The following CMTM7 variants were observed in gnomAD, a reference collection of about 807,000 sequenced individuals.
CMTM7 encodes CKLF-like MARVEL transmembrane domain-containing protein 7.
In CMTM7, 7 loss-of-function variants were observed where a neutral mutation model predicts 19.3. The ratio of observed to expected loss-of-function variants is 0.36; its 90% CI spans 0.21 to 0.68. CMTM7 has a LOEUF of 0.68. Among genes scored for constraint, CMTM7 ranks in the 30% least tolerant of loss-of-function variants. CMTM7 has a pLI of 0.60. For synonymous variants in CMTM7, 87 were observed against 99.3 expected (o/e 0.88, Z 0.74); for missense variants, 193 against 232.6 (o/e 0.83, Z 1.11).
intron 1 of CMTM7, among the ~76,000 whole-genome samples, chr3:32,428,581 C>T (rs1468410076): frequency 2.6e-5 from 4 of 152,168 alleles, no homozygotes; most frequent in Admixed American, 2.0e-4. Context: ...GCTAAGCCGG[C>T]CTGGGCTTTG....
At chr3:32,424,476 C>T (rs1243505676) in intron 1 of CMTM7, among the ~76,000 whole-genome samples, 1 of 152,170 alleles carries the variant, frequency 6.6e-6, no homozygotes, top group African/African-American at 2.4e-5. Flanking sequence ...AGAAGTATCG[C>T]TGTGGCCATT....
intron 1 of CMTM7, among the ~76,000 whole-genome samples, chr3:32,417,391 C>T (rs1696283198): frequency 1.3e-5 from 2 of 152,208 alleles, no homozygotes; most frequent in Admixed American, 6.5e-5. Flanking sequence ...CATGTTATCA[C>T]TTGGATAATA....
intron 1 of CMTM7, among the ~76,000 whole-genome samples, chr3:32,409,239 A>G (rs1696137178): frequency 6.6e-6 from 1 of 152,156 alleles, no homozygotes; most frequent in African/African-American, 2.4e-5. Flanking sequence ...GAACAGGACA[A>G]AGAACTCCCC....
At chr3:32,409,915 C>T (rs774361610) in intron 1 of CMTM7, among the ~76,000 whole-genome samples, 1 of 152,216 alleles carries the variant, frequency 6.6e-6, no homozygotes, top group Non-Finnish European at 1.5e-5. Flanking sequence ...TCAGATGTCA[C>T]CTCCTTGGGA....
intron 1 of CMTM7, among the ~76,000 whole-genome samples, chr3:32,401,237 C>A (rs1313023399): frequency 6.6e-6 from 1 of 152,216 alleles, no homozygotes; most frequent in East Asian, 1.9e-4. Flanking sequence ...TTGCGGAAGG[C>A]CTTACCTATT....
chr3:32,439,461 T>C (rs1167136122), intron 1 of CMTM7, among the ~76,000 whole-genome samples: 1 of 152,216 alleles, frequency 6.6e-6, no homozygotes, highest in East Asian at 1.9e-4. Flanking sequence ...GATTTGATTT[T>C]TATTTTTTTA....
At chr3:32,405,603 G>T (rs962054093) in intron 1 of CMTM7, among the ~76,000 whole-genome samples, 2 of 152,120 alleles carry the variant, frequency 1.3e-5, no homozygotes, top group Admixed American at 6.5e-5. Context: ...TAAATATCTT[G>T]TCTGAGCCAA....
intron 1 of CMTM7, among the ~76,000 whole-genome samples, chr3:32,432,385 C>G (rs920657752): frequency 6.6e-6 from 1 of 152,224 alleles, no homozygotes; most frequent in East Asian, 1.9e-4. Flanking sequence ...TTCCCATGGC[C>G]CTGACCCCCA....
intron 1 of CMTM7, among the ~76,000 whole-genome samples, chr3:32,397,744 A>AG: frequency 6.6e-6 from 1 of 152,220 alleles, no homozygotes; most frequent in East Asian, 1.9e-4. Flanking sequence ...AAAAAAAAAA[A>AG]AAATTATTAA....
At chr3:32,427,893 A>C (rs903201494) in intron 1 of CMTM7, among the ~76,000 whole-genome samples, 1 of 152,218 alleles carries the variant, frequency 6.6e-6, no homozygotes, top group Non-Finnish European at 1.5e-5. Flanking sequence ...TGTTTAGGAT[A>C]GGAAGTCTCA....
chr3:32,428,370 A>G (rs954383781), intron 1 of CMTM7, among the ~76,000 whole-genome samples: 6 of 152,136 alleles, frequency 3.9e-5, no homozygotes, highest in African/African-American at 7.2e-5. Context: ...CCTCATCTCA[A>G]TACTAACCAG....
At chr3:32,395,072 A>T (rs763134572) in intron 1 of CMTM7, among the ~76,000 whole-genome samples, 1 of 149,994 alleles carries the variant, frequency 6.7e-6, no homozygotes, top group Non-Finnish European at 1.5e-5. Flanking sequence ...TGGTGTTATC[A>T]TGGCTTACTG....
chr3:32,432,357 T>G (rs1696532117), intron 1 of CMTM7, among the ~76,000 whole-genome samples: 1 of 152,180 alleles, frequency 6.6e-6, no homozygotes, highest in Admixed American at 6.5e-5. Context: ...CAGCGAGTGC[T>G]TCCTTCACCC....
chr3:32,425,587 C>G (rs1696419328), intron 1 of CMTM7, among the ~76,000 whole-genome samples: 1 of 152,114 alleles, frequency 6.6e-6, no homozygotes, highest in African/African-American at 2.4e-5. Context: ...TAAGCTCCCA[C>G]CAACCTTAAG....
At chr3:32,447,639 A>G (rs1355054296) in intron 2 of CMTM7, among the ~76,000 whole-genome samples, 1 of 152,070 alleles carries the variant, frequency 6.6e-6, no homozygotes, top group Admixed American at 6.5e-5. Flanking sequence ...TATAATTGTT[A>G]TATCTTACTT....
At chr3:32,451,799 T>C (rs1258052259) in intron 3 of CMTM7, 1 of 303,862 alleles carries the variant, frequency 3.3e-6, no homozygotes, top group African/African-American at 2.2e-5. Context: ...AGGTCAGCCT[T>C]CCTCACACTT....
chr3:32,401,417 T>C (rs1696000309), intron 1 of CMTM7, among the ~76,000 whole-genome samples: 3 of 152,070 alleles, frequency 2.0e-5, no homozygotes, highest in Non-Finnish European at 2.9e-5. Flanking sequence ...CGTAAGTGGG[T>C]AGAGGAGGGG....
At chr3:32,446,792 C>G (rs1205708388) in intron 2 of CMTM7, among the ~76,000 whole-genome samples, 1 of 152,142 alleles carries the variant, frequency 6.6e-6, no homozygotes, top group African/African-American at 2.4e-5. Flanking sequence ...CTCTTGCTTC[C>G]TTCCTCTTGG....
chr3:32,406,673 G>A (rs772782006), intron 1 of CMTM7, among the ~76,000 whole-genome samples: 15 of 152,196 alleles, frequency 9.9e-5, no homozygotes, highest in Admixed American at 9.8e-4. Context: ...GAGTGTTCAA[G>A]TCAGCTTCCC....
Sources: gnomAD v4.1 joint callset for allele counts (sites outside exome capture counted in the v4.1 genomes callset) on GRCh38, gnomAD v4.1.1 for gene constraint, MANE v1.5 for transcripts, NCBI Gene and HGNC (gene_info 2026-07-23, HGNC 2026-07-21) for gene names.